The following FIP1L1 variants were observed in gnomAD, a reference collection of about 807,000 sequenced individuals.
FIP1L1 encodes factor interacting with PAPOLA and CPSF1, also known as pre-mRNA 3'-end-processing factor FIP1.
A neutral mutation model predicts 84.6 loss-of-function variants in FIP1L1; 21 were observed. The ratio of observed to expected loss-of-function variants is 0.25; its 90% CI spans 0.18 to 0.36. The LOEUF is 0.36. Among genes scored for constraint, FIP1L1 ranks in the 10% least tolerant of loss-of-function variants. The probability of loss-of-function intolerance (pLI) is 1.00; values close to 1 mark genes in which losing one functional copy is unlikely to be tolerated. For missense variants in FIP1L1, 526 were observed against 751.1 expected (o/e 0.70, Z 3.50); for synonymous variants, 263 against 242.3 (o/e 1.09, Z -0.80).
At position 53,390,544 on chromosome 4, in the gene FIP1L1, C is replaced by A; in HGVS notation, c.421C>A (p.Leu141Ile). 1 of 1,612,142 alleles carries A rather than the reference C, an allele frequency of 6.2e-7. No individual in the cohort carries two copies. The highest frequency in any genetic ancestry group is 8.5e-7 in the Non-Finnish European group (1 of 1,178,690). ...TTGTKVKGVD[L>I]DAPGSINGVP... ...AGGGACAAAAGTCAAAGGAGTAGAC[C>A]TTGATGCACCTGGAAGCATTAATGG... is the stretch of plus-strand genomic sequence containing the variant. Residue 141 changes from leucine to isoleucine, a missense_variant, in exon 7 of 18, where the codon CTT becomes ATT. Coordinates refer to ENST00000337488, the MANE Select transcript of FIP1L1 (RefSeq NM_030917.4).
chr4:53,447,952 T>C (rs1774903711), intron 15 of FIP1L1, among the ~76,000 whole-genome samples: 1 of 152,072 alleles, frequency 6.6e-6, no homozygotes, highest in South Asian at 2.1e-4. Flanking sequence ...CAGAAAACTC[T>C]GGATTTTGCA....
intron 10 of FIP1L1, among the ~76,000 whole-genome samples, chr4:53,408,253 A>C (rs1754918930): frequency 6.6e-6 from 1 of 152,154 alleles, no homozygotes. Context: ...ATCTCTTATG[A>C]AGCTTAATTT....
In FIP1L1 at chr4:53,459,301, G is replaced by GTAA; in HGVS notation, c.1640_1642dup (p.Asn547dup). On this transcript the variant is annotated inframe_insertion and splice_region_variant. Transcript: ENST00000337488. ...CCTTTTTTTTTTTTTTTTTTTTCCAGTAATAGTAGACGTCGCCATGAAAGT... is the reference window on the plus strand; with the variant it reads ...CCTTTTTTTTTTTTTTTTTTTTCCAGTAATAATAGTAGACGTCGCCATGAAAGT... 1.1e-6 allele frequency: 1 copy of GTAA among 886,524 alleles called. No homozygotes were observed. The highest frequency in any genetic ancestry group is 1.6e-6 in the Non-Finnish European group (1 of 638,550). 54.9% of individuals were successfully genotyped at this position (886,524 alleles called of 1,614,324 possible).
chr4:53,456,559 G>A (rs531353431), intron 16 of FIP1L1, among the ~76,000 whole-genome samples: 4 of 151,570 alleles, frequency 2.6e-5, no homozygotes, highest in African/African-American at 9.7e-5. Context: ...TAGCAGTATG[G>A]CATGTAGTAT....
intron 13 of FIP1L1, among the ~76,000 whole-genome samples, chr4:53,432,878 C>CT (rs1038534464): frequency 1.3e-5 from 2 of 149,652 alleles, no homozygotes; most frequent in African/African-American, 2.5e-5. Context: ...GTCCTAGAAA[C>CT]TTTTTTTTTT....
At chr4:53,429,624 T>C (rs1285383136) in intron 13 of FIP1L1, among the ~76,000 whole-genome samples, 1 of 152,240 alleles carries the variant, frequency 6.6e-6, no homozygotes, top group Non-Finnish European at 1.5e-5. Flanking sequence ...ACTTAAACTT[T>C]ACTAGGTAGT....
Position 53,425,976 on chromosome 4 carries a change from T to C in FIP1L1, c.1017+11T>C, listed in dbSNP as rs1764165219. On this transcript the variant is annotated intron_variant, in intron 12 of 17. Coordinates refer to ENST00000337488, the MANE Select transcript of FIP1L1 (RefSeq NM_030917.4). ...AACAGCAACATACAGGTTTAGTATT[T>C]TAAAATAAATAATTTTCTTTAACTG... 1.3e-6 allele frequency: 2 copies of C among 1,573,660 alleles called. No homozygotes were observed. Among genetic ancestry groups the C allele is most frequent in the Admixed American group, 1.7e-5 (1 of 57,314 alleles).
At chr4:53,383,200 A>G (rs1318718572) in intron 4 of FIP1L1, among the ~76,000 whole-genome samples, 2 of 152,152 alleles carry the variant, frequency 1.3e-5, no homozygotes, top group East Asian at 3.9e-4. Flanking sequence ...GGCAGATATG[A>G]TAGTTAAAAA....
At chr4:53,433,957 G>T (rs1767921569) in intron 13 of FIP1L1, among the ~76,000 whole-genome samples, 1 of 152,112 alleles carries the variant, frequency 6.6e-6, no homozygotes, top group South Asian at 2.1e-4. Flanking sequence ...CGGGTCAGGG[G>T]GTGGGGGCGG....
rs34578070 is a variant in FIP1L1 at position 53,420,455 on chromosome 4, TC to T, written c.924-5416del. ...AAAAAAAAAAAAAAAAAAAGATAAA[TC>T]AGACACTCAGTGAGTGTCGGATCTC... On this transcript the variant is annotated intron_variant, in intron 11 of 17. Coordinates refer to ENST00000337488, the MANE Select transcript of FIP1L1 (RefSeq NM_030917.4). 5.8e-4 allele frequency among the ~76,000 whole-genome samples: 19 copies of T among 32,692 alleles called. 1 individual carries two copies. Among genetic ancestry groups the T allele is most frequent in the Non-Finnish European group, 1.4e-3 (11 of 7,674 alleles). 21.4% of individuals were successfully genotyped at this position (32,692 alleles called of 152,430 possible).
Position 53,428,229 on chromosome 4 carries a change from C to T in FIP1L1, c.1174+46C>T, listed in dbSNP as rs201088271. 6,485 of 1,470,770 alleles carry T rather than the reference C, an allele frequency of 4.4e-3. 23 individuals are homozygous for T. Among genetic ancestry groups the T allele is most frequent in the Non-Finnish European group, 5.4e-3 (5,947 of 1,101,878 alleles). 91.1% of individuals were successfully genotyped at this position (1,470,770 alleles called of 1,614,324 possible). A position where few individuals can be genotyped will look rare whatever the true frequency, so the allele number is the denominator to read the frequency against. Reference sequence around the variant, plus strand: ...TTGACTTTGAAAGAAAAATAGCTTGCGAGTGTTTTTTAAAATTTTTGACAA... The same window carrying T: ...TTGACTTTGAAAGAAAAATAGCTTGTGAGTGTTTTTTAAAATTTTTGACAA... On this transcript the variant is annotated intron_variant, in intron 13 of 17. Coordinates refer to ENST00000337488, the MANE Select transcript of FIP1L1 (RefSeq NM_030917.4).
chr4:53,435,714 T>C (rs890592429), intron 13 of FIP1L1, among the ~76,000 whole-genome samples: 1 of 152,338 alleles, frequency 6.6e-6, no homozygotes, highest in African/African-American at 2.4e-5. Context: ...TAAAAATAAC[T>C]TAAAACTTTT....
intron 10 of FIP1L1, among the ~76,000 whole-genome samples, chr4:53,414,249 T>G (rs1758450694): frequency 6.6e-6 from 1 of 152,072 alleles, no homozygotes; most frequent in Admixed American, 6.5e-5. Context: ...ATACCAAAAT[T>G]TTTAGTAAGA....
At chr4:53,444,863 C>T (rs2150276100) in intron 15 of FIP1L1, among the ~76,000 whole-genome samples, 1 of 152,258 alleles carries the variant, frequency 6.6e-6, no homozygotes, top group Non-Finnish European at 1.5e-5. Context: ...TGAGCCACCA[C>T]ACCTGACCTG....
chr4:53,410,041 G>A (rs1046916908), intron 10 of FIP1L1, among the ~76,000 whole-genome samples: 1 of 152,210 alleles, frequency 6.6e-6, no homozygotes, highest in Non-Finnish European at 1.5e-5. Flanking sequence ...AGATGAACCC[G>A]GTACCTCAGA....
chr4:53,405,728 C>G (rs1354390542), intron 10 of FIP1L1, among the ~76,000 whole-genome samples: 12 of 149,188 alleles, frequency 8.0e-5, no homozygotes, highest in Admixed American at 2.7e-4. Flanking sequence ...CTTCACATCC[C>G]TTGTAAGTTG....
intron 13 of FIP1L1, among the ~76,000 whole-genome samples, chr4:53,432,570 A>AATAATAGAT (rs1767265452): frequency 6.6e-6 from 1 of 152,208 alleles, no homozygotes; most frequent in Admixed American, 6.5e-5. Context: ...TTTTCTGAGT[A>AATAATAGAT]ATAATAGATA....
At chr4:53,382,417 T>G (rs554948433) in intron 4 of FIP1L1, 82 bp downstream of exon 4, 1 of 1,104,428 alleles carries the variant, frequency 9.1e-7, no homozygotes, top group Non-Finnish European at 1.4e-6. Flanking sequence ...CAAGCTGGCA[T>G]TTTACATTAC....
chr4:53,409,976 G>T (rs558940743), intron 10 of FIP1L1, among the ~76,000 whole-genome samples: 2 of 152,296 alleles, frequency 1.3e-5, no homozygotes, highest in Admixed American at 6.5e-5. Flanking sequence ...GCTTTGGCTC[G>T]CCCATGGTGC....
Sources: gnomAD v4.1 joint callset for allele counts (sites outside exome capture counted in the v4.1 genomes callset) on GRCh38, gnomAD v4.1.1 for gene constraint, MANE v1.5 for transcripts, NCBI Gene and HGNC (gene_info 2026-07-23, HGNC 2026-07-21) for gene names.